The following RALGDS variants were observed in gnomAD, a reference collection of about 807,000 sequenced individuals.
RALGDS encodes ral guanine nucleotide dissociation stimulator, also known as ral guanine nucleotide exchange factor.
Under a neutral mutation model 99.8 loss-of-function variants are expected in RALGDS, and 44 were observed. That is an observed-to-expected ratio of 0.44 (90% CI 0.35 to 0.57). The LOEUF (loss-of-function observed/expected upper bound fraction) is 0.57. Among genes scored for constraint, RALGDS ranks in the 20% least tolerant of loss-of-function variants. RALGDS has a pLI of 0.01. For synonymous variants in RALGDS, 529 were observed against 505.0 expected (o/e 1.05, Z -0.64); for missense variants, 1,022 against 1,203.1 (o/e 0.85, Z 2.23).
intron 3 of RALGDS, among the ~76,000 whole-genome samples, chr9:133,110,074 G>A (rs1047935789): frequency 1.3e-5 from 2 of 152,202 alleles, no homozygotes; most frequent in African/African-American, 4.8e-5. Flanking sequence ...CAGCCCCGCA[G>A]CCCATTCCCT....
intron 1 of RALGDS, among the ~76,000 whole-genome samples, chr9:133,113,950 G>T (rs983203650): frequency 1.3e-5 from 2 of 152,238 alleles, no homozygotes; most frequent in Non-Finnish European, 1.5e-5. Context: ...CCAGGTCCTG[G>T]CTGAGCACCA....
upstream of RALGDS, among the ~76,000 whole-genome samples, chr9:133,135,001 T>C (rs2119259167): frequency 6.6e-6 from 1 of 152,228 alleles, no homozygotes; most frequent in Non-Finnish European, 1.5e-5. Context: ...TTATGACTTT[T>C]CATAAAGAGT....
chr9:133,110,886 A>C (rs1831306275), intron 2 of RALGDS, among the ~76,000 whole-genome samples: 1 of 152,032 alleles, frequency 6.6e-6, no homozygotes, highest in African/African-American at 2.4e-5. Flanking sequence ...GTTTGAGACC[A>C]GCCTGGGCAA....
rs1170235343 is a variant in RALGDS, at chr9:133,117,909, G to A, written c.183+3063C>T. Reference sequence around the variant, plus strand: ...TAAATCTCCCCACTCTTTTCTCATTGGCAACGCAGACAGGTCCTGGAAATG... The same window carrying A: ...TAAATCTCCCCACTCTTTTCTCATTAGCAACGCAGACAGGTCCTGGAAATG... On this transcript the variant is annotated intron_variant, in intron 1 of 17. Coordinates refer to ENST00000372050, the MANE Select transcript of RALGDS (RefSeq NM_006266.4). Among the ~76,000 whole-genome samples, 4 of 152,226 alleles carry A rather than the reference G, an allele frequency of 2.6e-5. 1 individual carries two copies. Among genetic ancestry groups the A allele is most frequent in the African/African-American group, 9.6e-5 (4 of 41,460 alleles).
exon 1 of RALGDS, chr9:133,149,068 G>T (rs1832672336): frequency 9.3e-7 from 1 of 1,072,234 alleles, no homozygotes; most frequent in Non-Finnish European, 1.2e-6. Context: ...CGGCGCAGGG[G>T]TGCGCCCGGC....
intron 1 of RALGDS, among the ~76,000 whole-genome samples, chr9:133,118,118 G>C (rs990395812): frequency 1.3e-5 from 2 of 152,188 alleles, no homozygotes; most frequent in Non-Finnish European, 2.9e-5. Flanking sequence ...CTCCCGAGTA[G>C]AGCAAGAGGG....
In RALGDS at chr9:133,121,132, T is replaced by G; in HGVS notation, c.23A>C (p.Glu8Ala). MVQRMWA[E>A]AAGPAGGAEP... is the part of the protein sequence containing the mutation. ...GGCGCCGCCAGCAGGCCCGGCCGCCTCGGCCCACATGCGCTGCACCATGGA... is the reference window on the plus strand; with the variant it reads ...GGCGCCGCCAGCAGGCCCGGCCGCCGCGGCCCACATGCGCTGCACCATGGA... Residue 8 changes from glutamate to alanine, a missense_variant, in exon 1 of 18, where the codon GAG becomes GCG. Transcript: ENST00000372050. 6.9e-7 allele frequency: 1 copy of G among 1,448,678 alleles called. No individual in the cohort carries two copies. Among genetic ancestry groups the G allele is most frequent in the Non-Finnish European group, 9.0e-7 (1 of 1,105,342 alleles). 89.7% of individuals were successfully genotyped at this position (1,448,678 alleles called of 1,614,324 possible).
intron 1 of RALGDS, among the ~76,000 whole-genome samples, chr9:133,117,585 C>T (rs1020414725): frequency 1.3e-5 from 2 of 152,276 alleles, no homozygotes; most frequent in African/African-American, 4.8e-5. Flanking sequence ...AGAATTGGGT[C>T]TGCTCAAAGC....
At chr9:133,122,582 G>A (rs1266633794), upstream of RALGDS, among the ~76,000 whole-genome samples, 3 of 152,242 alleles carry the variant, frequency 2.0e-5, no homozygotes, top group Admixed American at 6.5e-5. Flanking sequence ...ATGTGCACAC[G>A]ACTAGAAGGG....
At chr9:133,108,439 G>A (rs574389391) in intron 5 of RALGDS, 33 bp from the exon 6 acceptor site, 6 of 1,525,430 alleles carry the variant, frequency 3.9e-6, no homozygotes, top group Non-Finnish European at 5.3e-6. Flanking sequence ...CAACATGCCA[G>A]CCTTTCCTGT....
chr9:133,132,732 C>G (rs1241955665), upstream of RALGDS, among the ~76,000 whole-genome samples: 2 of 152,112 alleles, frequency 1.3e-5, no homozygotes, highest in Non-Finnish European at 2.9e-5. Flanking sequence ...CTCCGACTCC[C>G]GGGTTCAAGC....
At chr9:133,136,108 C>T (rs118089775), upstream of RALGDS, among the ~76,000 whole-genome samples, 1,372 of 152,184 alleles carry the variant, frequency 9.0e-3, 9 homozygotes, top group Non-Finnish European at 0.014. Flanking sequence ...TACTAGGTGC[C>T]GGGCACTATT....
chr9:133,138,070 G>T (rs1234127573), intron 1 of RALGDS, among the ~76,000 whole-genome samples: 1 of 152,222 alleles, frequency 6.6e-6, no homozygotes, highest in Non-Finnish European at 1.5e-5. Flanking sequence ...CTGCCTGCCT[G>T]AAGGGGCTGA....
At chr9:133,145,735 T>C (rs540167602) in intron 1 of RALGDS, among the ~76,000 whole-genome samples, 1 of 152,300 alleles carries the variant, frequency 6.6e-6, no homozygotes, top group African/African-American at 2.4e-5. Flanking sequence ...AAACTAGCCA[T>C]TGTGCCTTTC....
chr9:133,126,891 G>A (rs1190187076), intron 1 of RALGDS, among the ~76,000 whole-genome samples: 1 of 152,196 alleles, frequency 6.6e-6, no homozygotes, highest in Non-Finnish European at 1.5e-5. Flanking sequence ...GTGTGTTCAG[G>A]CTGAATCTCT....
Position 133,101,615 on chromosome 9 carries a change from A to G in RALGDS, c.2359T>C (p.Ser787Pro). 6.2e-7 allele frequency: 1 copy of G among 1,613,434 alleles called. No individual in the cohort carries two copies. Among genetic ancestry groups the G allele is most frequent in the Non-Finnish European group, 8.5e-7 (1 of 1,180,032 alleles). The change falls in exon 16 of 18, where the codon TCC becomes CCC. Residue 787 changes from serine (S) to proline (P), a missense_variant. Physicochemically the swap from Ser to Pro is moderately conservative, Grantham distance 74. Coordinates refer to ENST00000372050, the MANE Select transcript of RALGDS (RefSeq NM_006266.4). The part of the protein sequence containing the change: ...RSVSGLCNSS[S>P]ALPLYNQQVG... ...TGCTGGTTGTAGAGCGGCAGCGCGG[A>G]GCTGGAGTTGCAGAGCCCTGAGACA...
chr9:133,144,062 G>A lies in RALGDS; in HGVS notation c.18+4901C>T, dbSNP rs1832583653. On this transcript the variant is annotated intron_variant, in intron 1 of 17. Coordinates refer to the RALGDS transcript ENST00000393160. This position sits in a 1 kb window ranked among gnomAD's most constrained non-coding sequence, Gnocchi z 4.5. ...CTCCCCTGAGGCAGGGTCTGGGGCT[G>A]GGGTTGGGGGGAAGGACCCCTCAAG... Among the ~76,000 whole-genome samples, 1 of 152,104 alleles carries A rather than the reference G, an allele frequency of 6.6e-6. No individual in the cohort carries two copies.
At chr9:133,146,932 A>G (rs1056286512) in intron 1 of RALGDS, among the ~76,000 whole-genome samples, 1 of 152,210 alleles carries the variant, frequency 6.6e-6, no homozygotes, top group African/African-American at 2.4e-5. Context: ...CAGTCCAGCC[A>G]TGGATGAGAC....
chr9:133,103,945 G>A (rs1830888197), intron 10 of RALGDS, 112 bp from the exon 11 acceptor site: 20 of 1,032,832 alleles, frequency 1.9e-5, no homozygotes, highest in Non-Finnish European at 3.0e-5. Context: ...GGGGCCTCCT[G>A]GGGCCCACTG....
Sources: allele counts gnomAD v4.1 joint callset (sites outside exome capture counted in the v4.1 genomes callset), GRCh38; gene constraint gnomAD v4.1.1; non-coding constraint Gnocchi (gnomAD v3.1); transcripts MANE v1.5; gene names NCBI Gene and HGNC (gene_info 2026-07-23, HGNC 2026-07-21).